SNX24: variants seen among roughly 807,000 people sequenced by gnomAD.
SNX24 encodes the protein sorting nexin-24.
SNX24 carries 22 observed loss-of-function variants against 28.7 expected under a neutral mutation model. The ratio of observed to expected loss-of-function variants is 0.77; its 90% confidence interval spans 0.55 to 1.10. The LOEUF (loss-of-function observed/expected upper bound fraction) is 1.10. Ranked by LOEUF, SNX24 falls within the 50% of genes least tolerant of loss-of-function variation. The pLI is 0.00. For missense variants in SNX24, 221 were observed against 201.1 expected (o/e 1.10, Z -0.60); for synonymous variants, 69 against 71.5 (o/e 0.96, Z 0.18).
intron 6 of SNX24, among the ~76,000 whole-genome samples, chr5:123,002,587 G>A (rs1383244909): frequency 1.3e-5 from 2 of 152,178 alleles, no homozygotes; most frequent in South Asian, 2.1e-4. Context: ...AGCCGAGATC[G>A]CGCCACTGCA....
intron 1 of SNX24, among the ~76,000 whole-genome samples, chr5:122,894,998 T>A (rs1757139278): frequency 8.0e-6 from 1 of 124,748 alleles, no homozygotes; most frequent in African/African-American, 3.2e-5. Flanking sequence ...TTCATTTTAG[T>A]TTAACAGTAC....
At chr5:122,894,051 A>G (rs978334023) in intron 1 of SNX24, among the ~76,000 whole-genome samples, 3 of 152,058 alleles carry the variant, frequency 2.0e-5, no homozygotes, top group Non-Finnish European at 4.4e-5. Flanking sequence ...AAAAAAAAAA[A>G]GTAACTTGAA....
At chr5:123,014,621 C>T (rs1230835879) in intron 5 of SNX24, among the ~76,000 whole-genome samples, 1 of 152,120 alleles carries the variant, frequency 6.6e-6, no homozygotes, top group Non-Finnish European at 1.5e-5. Flanking sequence ...CCTCCCAGGG[C>T]TCTTTGATTT....
At chr5:122,848,519 A>G (rs1158482332) in intron 1 of SNX24, among the ~76,000 whole-genome samples, 1 of 149,310 alleles carries the variant, frequency 6.7e-6, no homozygotes, top group East Asian at 2.0e-4. Flanking sequence ...CCTGGCCAAC[A>G]TGGTGAAATC....
chr5:122,994,359 C>T (rs147143057), intron 3 of SNX24, among the ~76,000 whole-genome samples: 19 of 152,250 alleles, frequency 1.2e-4, no homozygotes, highest in East Asian at 1.2e-3. Flanking sequence ...TGTCGGACGG[C>T]GTTATCCTGT....
chr5:122,918,317 A>G (rs1758274092), intron 1 of SNX24, among the ~76,000 whole-genome samples: 1 of 152,152 alleles, frequency 6.6e-6, no homozygotes, highest in Non-Finnish European at 1.5e-5. Context: ...TCTTTGCCCA[A>G]GACCATTGTT....
intron 3 of SNX24, among the ~76,000 whole-genome samples, chr5:122,968,462 A>T (rs1760810382): frequency 6.6e-6 from 1 of 152,186 alleles, no homozygotes; most frequent in Non-Finnish European, 1.5e-5. Context: ...ACATTTTCCC[A>T]TTGTTCTGTA....
At chr5:122,948,322 T>C (rs939889935) in intron 3 of SNX24, among the ~76,000 whole-genome samples, 1 of 152,146 alleles carries the variant, frequency 6.6e-6, no homozygotes, top group Non-Finnish European at 1.5e-5. Context: ...CCATTCATGC[T>C]CAGGACCAGT....
At chr5:122,845,964 A>G (rs1754611389) in intron 1 of SNX24, among the ~76,000 whole-genome samples, 1 of 152,070 alleles carries the variant, frequency 6.6e-6, no homozygotes, top group Non-Finnish European at 1.5e-5. Context: ...GGCACTAGCC[A>G]TTCTCCCCGC....
At chr5:122,999,013 T>G (rs1400253079) in intron 3 of SNX24, among the ~76,000 whole-genome samples, 1 of 147,878 alleles carries the variant, frequency 6.8e-6, no homozygotes, top group East Asian at 2.0e-4. Context: ...GAGATTATGA[T>G]AAAACCTTTG....
intron 1 of SNX24, among the ~76,000 whole-genome samples, chr5:122,922,029 G>A (rs1054496483): frequency 6.6e-6 from 1 of 152,088 alleles, no homozygotes; most frequent in African/African-American, 2.4e-5. Flanking sequence ...TAGAAATGCT[G>A]ATTCTACATT....
intron 3 of SNX24, among the ~76,000 whole-genome samples, chr5:122,991,250 G>A (rs1206047043): frequency 6.6e-6 from 1 of 151,872 alleles, no homozygotes; most frequent in Non-Finnish European, 1.5e-5. Context: ...TCCAGAAAAT[G>A]CCTCTTAAAT....
chr5:122,987,027 G>A (rs1310748588), intron 3 of SNX24, among the ~76,000 whole-genome samples: 2 of 152,144 alleles, frequency 1.3e-5, no homozygotes, highest in African/African-American at 2.4e-5. Flanking sequence ...CGTTTTCTCC[G>A]CTATAGCAGG....
At chr5:122,994,462 TACTG>T (rs1581845539) in intron 3 of SNX24, among the ~76,000 whole-genome samples, 2 of 152,238 alleles carry the variant, frequency 1.3e-5, no homozygotes, top group African/African-American at 4.8e-5. Flanking sequence ...ACATTTTACT[TACTG>T]AAGAAGAAAA....
chr5:123,011,044 A>G (rs771029905), downstream of SNX24, among the ~76,000 whole-genome samples: 45 of 152,212 alleles, frequency 3.0e-4, no homozygotes, highest in Non-Finnish European at 4.9e-4. Context: ...GCATTGCACA[A>G]GTCCAAGCAG....
intron 1 of SNX24, among the ~76,000 whole-genome samples, chr5:122,886,540 C>T (rs946195422): frequency 1.3e-5 from 2 of 152,038 alleles, no homozygotes; most frequent in Non-Finnish European, 2.9e-5. Context: ...TCGGGCCGGG[C>T]GCAGTGGCTC....
At chr5:122,997,801 C>CT (rs1287582733) in intron 3 of SNX24, among the ~76,000 whole-genome samples, 3 of 152,074 alleles carry the variant, frequency 2.0e-5, no homozygotes, top group Non-Finnish European at 4.4e-5. Context: ...ACCCTCCCCT[C>CT]TTTTTTTAAA....
At chr5:122,998,133 T>C (rs1394380661) in intron 3 of SNX24, 1 of 152,154 alleles carries the variant, frequency 6.6e-6, no homozygotes, top group Non-Finnish European at 1.5e-5. Context: ...GTAATGAAAT[T>C]ATGCCTCTGG....
At chr5:122,912,225 T>A (rs1447567764) in intron 1 of SNX24, among the ~76,000 whole-genome samples, 5 of 136,062 alleles carry the variant, frequency 3.7e-5, no homozygotes, top group East Asian at 2.3e-4. Flanking sequence ...TTATTCTCTT[T>A]GAAGCAATTG....
Sources: allele counts gnomAD v4.1 joint callset (sites outside exome capture counted in the v4.1 genomes callset), GRCh38; gene constraint gnomAD v4.1.1; transcripts MANE v1.5; gene names NCBI Gene and HGNC (gene_info 2026-07-23, HGNC 2026-07-21).